YBX1: variants seen among roughly 807,000 people sequenced by gnomAD.
YBX1 encodes the protein Y-box-binding protein 1.
Under a neutral mutation model 41.4 loss-of-function variants are expected in YBX1, and 3 were observed. The observed-to-expected ratio is 0.07, with a 90% CI of 0.03 to 0.19. The LOEUF is 0.19. YBX1 is among the 10% of genes least tolerant of loss of function. The pLI is 1.00. For missense variants in YBX1, 274 were observed against 462.8 expected (o/e 0.59, Z 3.74); for synonymous variants, 133 against 165.8 (o/e 0.80, Z 1.52).
At chr1:42,699,465 T>C (rs575569002) in intron 6 of YBX1, among the ~76,000 whole-genome samples, 1 of 152,104 alleles carries the variant, frequency 6.6e-6, no homozygotes, top group Non-Finnish European at 1.5e-5. Flanking sequence ...GGGCAGAGAG[T>C]TGGATTTATC....
Position 42,682,671 on chromosome 1 carries a change from A to G in YBX1, c.106A>G (p.Ser36Gly). Reference sequence around the variant, plus strand: ...CGGCACTACGGGCAGCGGCGCAGGGAGCGGTGGCCCGGGCGGCCTCACATC... The same window carrying G: ...CGGCACTACGGGCAGCGGCGCAGGGGGCGGTGGCCCGGGCGGCCTCACATC... ...KPGTTGSGAG[S>G]GGPGGLTSAA... Residue 36 changes from serine (S) to glycine (G), a missense_variant, in exon 1 of 8, where the codon AGC becomes GGC. Physicochemically the swap from Ser to Gly is moderately conservative, Grantham distance 56. Around this residue, in one of 3 missense-constraint regions of YBX1, gnomAD observed 84 missense variants for 130.8 expected, o/e 0.64. Coordinates refer to ENST00000321358, the MANE Select transcript of YBX1 (RefSeq NM_004559.5). The G allele has an allele frequency of 3.1e-6, 4 of 1,281,710 alleles. No individual in the cohort carries two copies. The highest frequency in any genetic ancestry group is 3.9e-6 in the Non-Finnish European group (4 of 1,022,280). 79.4% of individuals were successfully genotyped at this position (1,281,710 alleles called of 1,614,324 possible). A position where few individuals can be genotyped will look rare whatever the true frequency, so the allele number is the denominator to read the frequency against.
At position 42,697,812 on chromosome 1, in the gene YBX1, T is replaced by A. The variant is rs187022382; in HGVS notation, c.740+550T>A. ...GAGTGGGTATTAGAAATCTTATTAA[T>A]AGATGTCATTATTAGAGTAATCGAG... On this transcript the variant is annotated intron_variant, in intron 6 of 7. Coordinates refer to ENST00000321358, the MANE Select transcript of YBX1 (RefSeq NM_004559.5). Among the ~76,000 whole-genome samples, 6 of 152,236 alleles carry A rather than the reference T, an allele frequency of 3.9e-5. No individual in the cohort carries two copies. The East Asian group carries it at 1.2e-3, about 29-fold the overall frequency.
intron 3 of YBX1, among the ~76,000 whole-genome samples, chr1:42,694,929 G>A (rs1158355826): frequency 1.3e-5 from 2 of 152,262 alleles, no homozygotes; most frequent in African/African-American, 4.8e-5. Context: ...TGGGGTTGGG[G>A]CAGGGGTGGA....
rs556413409 is a variant in YBX1, at chr1:42,702,863, A to G, written c.*914A>G. ...AAACCCATGGGAAAGCTGCTTAGGAACATGGAGGTTGGTGAGCTTGTAATT... is the reference window on the plus strand; with the variant it reads ...AAACCCATGGGAAAGCTGCTTAGGAGCATGGAGGTTGGTGAGCTTGTAATT... On this transcript the variant is annotated 3_prime_UTR_variant, in exon 8 of 8. Transcript: ENST00000321358. Among the ~76,000 whole-genome samples the G allele has an allele frequency of 2.0e-5, 3 of 152,330 alleles. No homozygotes were observed. The East Asian group carries it at 5.8e-4, about 29-fold the overall frequency.
intron 2 of YBX1, among the ~76,000 whole-genome samples, chr1:42,688,565 T>C (rs2148736701): frequency 6.6e-6 from 1 of 152,324 alleles, no homozygotes; most frequent in African/African-American, 2.4e-5. Context: ...TAAAATGCCA[T>C]GTGACGCTAA....
chr1:42,685,463 C>G (rs573661977), intron 2 of YBX1, among the ~76,000 whole-genome samples: 77 of 152,220 alleles, frequency 5.1e-4, no homozygotes, highest in African/African-American at 1.8e-3. Flanking sequence ...AATCTGACTC[C>G]AATTAAATAC....
At chr1:42,700,121 T>TC (rs1650558097) in intron 6 of YBX1, among the ~76,000 whole-genome samples, 1 of 152,142 alleles carries the variant, frequency 6.6e-6, no homozygotes, top group Non-Finnish European at 1.5e-5. Flanking sequence ...TGTTGAAGAT[T>TC]CATCATGAGT....
At chr1:42,683,787 C>T (rs1429158021) in intron 2 of YBX1, among the ~76,000 whole-genome samples, 7 of 152,206 alleles carry the variant, frequency 4.6e-5, no homozygotes, top group African/African-American at 1.7e-4. Context: ...CGGTCCAGTA[C>T]ATTTTTATCC....
chr1:42,700,959 G>C lies in YBX1; in HGVS notation c.919G>C (p.Asp307His). The part of the protein sequence containing the change: ...PQDGKETKAA[D>H]PPAENSSAPE... ...AGATGGCAAAGAGACAAAAGCAGCC[G>C]ATCCACCAGCTGAGAATTCGTCCGC... The change falls in exon 7 of 8, where the codon GAT becomes CAT. Residue 307 changes from aspartate (D) to histidine (H), a missense_variant. Asp to His is a moderately conservative substitution (Grantham distance 81, BLOSUM62 -1). Coordinates refer to ENST00000321358, the MANE Select transcript of YBX1 (RefSeq NM_004559.5). 6.2e-7 allele frequency: 1 copy of C among 1,603,290 alleles called. No individual in the cohort carries two copies. The highest frequency in any genetic ancestry group is 8.5e-7 in the Non-Finnish European group (1 of 1,173,300).
At chr1:42,689,197 A>AG (rs1288776399) in intron 2 of YBX1, among the ~76,000 whole-genome samples, 1 of 152,230 alleles carries the variant, frequency 6.6e-6, no homozygotes, top group Non-Finnish European at 1.5e-5. Context: ...GCAGAATCAT[A>AG]GACAATATGT....
intron 2 of YBX1, among the ~76,000 whole-genome samples, chr1:42,684,141 G>A (rs1650132637): frequency 2.6e-5 from 4 of 152,050 alleles, no homozygotes; most frequent in Admixed American, 2.6e-4. Context: ...TAGATCCCTG[G>A]CTGTAGCTTA....
rs566866332 is a variant in YBX1, at chr1:42,691,398, C to T, written c.231-2092C>T. Among the ~76,000 whole-genome samples the T allele has an allele frequency of 3.3e-5, 5 of 152,288 alleles. No individual in the cohort carries two copies. In the South Asian group the frequency reaches 8.3e-4, roughly 25 times the overall value. ...AGAGACAGGGTCTTGCTCTGTTGCG[C>T]AGGATGGAGTACAGTGGCATGATTA... On this transcript the variant is annotated intron_variant, in intron 2 of 7. Transcript: ENST00000321358.
chr1:42,696,401 A>G lies in YBX1; in HGVS notation c.354+113A>G. 5.4e-6 allele frequency: 6 copies of G among 1,118,710 alleles called. No homozygotes were observed. In the South Asian group the frequency reaches 7.8e-5, roughly 14 times the overall value. 69.3% of individuals were successfully genotyped at this position (1,118,710 alleles called of 1,614,324 possible). A position where few individuals can be genotyped will look rare whatever the true frequency, so the allele number is the denominator to read the frequency against. ...TGGATGTGTTCAGGTGACCTCATGAACACAGGTGCATCAAGCCTAATGTTC... is the reference window on the plus strand; with the variant it reads ...TGGATGTGTTCAGGTGACCTCATGAGCACAGGTGCATCAAGCCTAATGTTC... On this transcript the variant is annotated intron_variant, in intron 4 of 7. Coordinates refer to ENST00000321358, the MANE Select transcript of YBX1 (RefSeq NM_004559.5). This position sits in a 1 kb window ranked among gnomAD's most constrained non-coding sequence, Gnocchi z 5.7.
In YBX1 at chr1:42,696,749, T is replaced by A; in HGVS notation, c.462T>A (p.Pro154=). 1 of 1,613,846 alleles carries A rather than the reference T, an allele frequency of 6.2e-7. No individual in the cohort carries two copies. The highest frequency in any genetic ancestry group is 1.7e-5 in the Admixed American group (1 of 60,002). The part of the protein sequence containing the change: ...HYRRYPRRRG[P]PRNYQQNYQN... ...GACGCTATCCACGTCGTAGGGGTCC[T>A]CCACGCAATTACCAGCAAAATTACC... The change falls in exon 5 of 8, where the codon CCT becomes CCA. Residue 154 remains proline, a synonymous_variant. Coordinates refer to ENST00000321358, the MANE Select transcript of YBX1 (RefSeq NM_004559.5). This position sits in a 1 kb window ranked among gnomAD's most constrained non-coding sequence, Gnocchi z 5.7.
rs1207646861 is a variant in YBX1 at position 42,701,999 on chromosome 1, A to C, written c.*50A>C. ...TTTACAGTTTAGTCATCCAACAAGA[A>C]GAAATATGAAATTCCAGCAATAAGA... On this transcript the variant is annotated 3_prime_UTR_variant, in exon 8 of 8. Coordinates refer to ENST00000321358, the MANE Select transcript of YBX1 (RefSeq NM_004559.5). The C allele has an allele frequency of 3.2e-5, 5 of 156,638 alleles. No individual in the cohort carries two copies. Among genetic ancestry groups the C allele is most frequent in the South Asian group, 2.1e-4 (1 of 4,830 alleles). The allele number at this position is 156,638 out of a possible 1,614,324, so 9.7% of individuals were successfully genotyped here.
intron 2 of YBX1, among the ~76,000 whole-genome samples, chr1:42,689,787 T>C (rs1436351441): frequency 1.3e-5 from 2 of 152,218 alleles, no homozygotes; most frequent in Non-Finnish European, 2.9e-5. Flanking sequence ...TTTTTGCCTT[T>C]GTTTTCCCAT....
intron 2 of YBX1, among the ~76,000 whole-genome samples, chr1:42,691,765 T>C (rs975968288): frequency 8.5e-5 from 13 of 152,316 alleles, no homozygotes; most frequent in African/African-American, 3.1e-4. Flanking sequence ...ATAAACAAAT[T>C]TACTTTCTAT....
chr1:42,701,589 A>G (rs1372189370), intron 7 of YBX1, among the ~76,000 whole-genome samples: 10 of 152,104 alleles, frequency 6.6e-5, no homozygotes, highest in Admixed American at 6.6e-4. Flanking sequence ...TCGTGTCTAA[A>G]AAACTCCTAG....
intron 2 of YBX1, among the ~76,000 whole-genome samples, chr1:42,688,474 A>C (rs1463876879): frequency 6.6e-6 from 1 of 152,252 alleles, no homozygotes; most frequent in Non-Finnish European, 1.5e-5. Context: ...GCATTAAATC[A>C]TAACTGCACG....
Sources: allele counts gnomAD v4.1 joint callset (sites outside exome capture counted in the v4.1 genomes callset), GRCh38; gene constraint gnomAD v4.1.1; regional missense constraint gnomAD v4.1.1; non-coding constraint Gnocchi (gnomAD v3.1); transcripts MANE v1.5; gene names NCBI Gene and HGNC (gene_info 2026-07-23, HGNC 2026-07-21).